Variants in SOBP observed in about 807,000 individuals in gnomAD.
SOBP encodes sine oculis binding protein homolog.
Under a neutral mutation model 53.6 loss-of-function variants are expected in SOBP, and 4 were observed. The observed-to-expected ratio is 0.07, with a 90% CI of 0.04 to 0.17. The LOEUF (loss-of-function observed/expected upper bound fraction) is 0.17. SOBP is among the 10% of genes least tolerant of loss of function. The pLI, the probability that SOBP is intolerant of heterozygous loss-of-function variation, is 1.00. For missense variants in SOBP, 1,088 were observed against 1,204.7 expected, an observed-to-expected ratio of 0.90 and a Z score of 1.43; for synonymous variants, 584 against 522.6, an observed-to-expected ratio of 1.12 and a Z score of -1.60.
intron 6 of SOBP, among the ~76,000 whole-genome samples, chr6:107,656,321 AAGAAAGAAAGAAAGAAAGAAAG>A (rs1377958606): frequency 1.1e-3 from 35 of 30,790 alleles, no homozygotes; most frequent in East Asian, 2.2e-3. Flanking sequence ...GAAAGAAAGA[AAGAAAGAAAGAAAGAAAGAAAG>A]AGAAAGAAAG....
chr6:107,568,698 C>T (rs1784986476), intron 4 of SOBP, among the ~76,000 whole-genome samples: 1 of 152,208 alleles, frequency 6.6e-6, no homozygotes, highest in Admixed American at 6.5e-5. Context: ...ACCTTCTGCC[C>T]TTTTCCTCAG....
At chr6:107,549,946 G>A (rs772843042) in intron 4 of SOBP, among the ~76,000 whole-genome samples, 7 of 152,182 alleles carry the variant, frequency 4.6e-5, no homozygotes, top group Non-Finnish European at 1.0e-4. Context: ...AGCTGTGCAT[G>A]GGAGGAGACA....
intron 5 of SOBP, among the ~76,000 whole-genome samples, chr6:107,597,031 C>T (rs11758691): frequency 0.072 from 10,978 of 152,128 alleles, 593 homozygotes; most frequent in Middle Eastern, 0.14. Flanking sequence ...AGTTTGGTTT[C>T]CTTTGAATGG....
intron 5 of SOBP, among the ~76,000 whole-genome samples, chr6:107,616,566 TTG>T (rs1247557590): frequency 6.6e-6 from 1 of 152,192 alleles, no homozygotes; most frequent in Admixed American, 6.5e-5. Flanking sequence ...TTACATCTTT[TTG>T]TATTAAGTTA....
intron 1 of SOBP, among the ~76,000 whole-genome samples, chr6:107,495,188 C>T (rs576965957): frequency 2.1e-4 from 32 of 152,288 alleles, no homozygotes; most frequent in South Asian, 6.2e-4. Flanking sequence ...AGGTGTGCCA[C>T]GTGGCAGGGA....
chr6:107,571,677 A>C (rs1785077191), intron 4 of SOBP, among the ~76,000 whole-genome samples: 1 of 152,150 alleles, frequency 6.6e-6, no homozygotes, highest in Non-Finnish European at 1.5e-5. Context: ...CCTCGTTTCT[A>C]CCGGGGTCTC....
chr6:107,636,684 G>A (rs1771059742), intron 6 of SOBP, among the ~76,000 whole-genome samples: 1 of 152,212 alleles, frequency 6.6e-6, no homozygotes, highest in Admixed American at 6.5e-5. Flanking sequence ...GGACTAGGGA[G>A]ATACAAAGGT....
chr6:107,523,998 T>C (rs904078664), intron 3 of SOBP, among the ~76,000 whole-genome samples: 1 of 152,180 alleles, frequency 6.6e-6, no homozygotes, highest in Non-Finnish European at 1.5e-5. Flanking sequence ...TCTGGGGAGA[T>C]TGTCAACCAC....
chr6:107,497,877 T>A (rs1352212264), intron 1 of SOBP, among the ~76,000 whole-genome samples: 2 of 152,196 alleles, frequency 1.3e-5, no homozygotes, highest in Non-Finnish European at 2.9e-5. Flanking sequence ...GTAAAATTGC[T>A]AAGTCAAAGG....
intron 4 of SOBP, among the ~76,000 whole-genome samples, chr6:107,584,794 A>AT (rs5878923): frequency 0.51 from 75,655 of 149,636 alleles, 20,535 homozygotes; most frequent in East Asian, 0.85. Flanking sequence ...AGATAATGGG[A>AT]TTTTTTTTTT....
intron 3 of SOBP, among the ~76,000 whole-genome samples, chr6:107,519,545 C>T (rs1448538484): frequency 6.6e-6 from 1 of 152,144 alleles, no homozygotes; most frequent in Non-Finnish European, 1.5e-5. Flanking sequence ...TCGCTTCCTG[C>T]TCTGGGACTT....
At chr6:107,532,601 A>C (rs575949573) in intron 3 of SOBP, among the ~76,000 whole-genome samples, 4 of 152,318 alleles carry the variant, frequency 2.6e-5, no homozygotes, top group African/African-American at 7.2e-5. Flanking sequence ...TTCTCATACA[A>C]AGGAAAAGAA....
At chr6:107,589,655 T>C (rs1254251716) in intron 5 of SOBP, among the ~76,000 whole-genome samples, 1 of 152,242 alleles carries the variant, frequency 6.6e-6, no homozygotes, top group Non-Finnish European at 1.5e-5. Flanking sequence ...TGACTAGATA[T>C]TTAGCTTTGT....
rs903304955 is a variant in SOBP, at chr6:107,490,642, G to A, written c.26G>A (p.Arg9Lys). The part of the protein sequence containing the change: MAEMEKEG[R>K]PPENKRSRKP... ...ATGGCAGAAATGGAGAAAGAAGGGA[G>A]ACCTCCCGAAAATAAACGGAGCAGG... The change falls in exon 1 of 7, where the codon AGA (arginine) becomes AAA (lysine). Residue 9 changes from arginine to lysine, a missense_variant. This residue lies in a region of SOBP where 37 missense variants were observed against 37.8 expected (regional missense o/e 0.98). Coordinates refer to ENST00000317357, the MANE Select transcript of SOBP (RefSeq NM_018013.4). The A allele has an allele frequency of 6.2e-7, 1 of 1,607,404 alleles. No homozygotes were observed. Among genetic ancestry groups the A allele is most frequent in the African/African-American group, 1.3e-5 (1 of 74,766 alleles).
intron 3 of SOBP, among the ~76,000 whole-genome samples, chr6:107,524,024 G>A (rs562676942): frequency 2.6e-5 from 4 of 152,354 alleles, no homozygotes; most frequent in Admixed American, 2.0e-4. Context: ...GACCCATTAA[G>A]TGTAAATATT....
intron 5 of SOBP, among the ~76,000 whole-genome samples, chr6:107,600,724 T>G (rs1183580099): frequency 6.6e-6 from 1 of 152,176 alleles, no homozygotes; most frequent in Non-Finnish European, 1.5e-5. Flanking sequence ...GGCCAAGATA[T>G]TAGTTTCCAT....
chr6:107,493,436 GAA>G (rs967949915), intron 1 of SOBP, among the ~76,000 whole-genome samples: 2 of 152,220 alleles, frequency 1.3e-5, no homozygotes, highest in African/African-American at 4.8e-5. Flanking sequence ...AAGGGGGAAA[GAA>G]GAGAGAGCAA....
In SOBP at chr6:107,593,514, G is replaced by C. The variant is rs573465259; in HGVS notation, c.669+6339G>C. 7.2e-4 allele frequency among the ~76,000 whole-genome samples: 109 copies of C among 152,344 alleles called. 1 individual carries two copies. Among genetic ancestry groups the C allele is most frequent in the African/African-American group, 2.6e-3 (107 of 41,584 alleles). On this transcript the variant is annotated intron_variant, in intron 5 of 6. Coordinates refer to ENST00000317357, the MANE Select transcript of SOBP (RefSeq NM_018013.4). ...TCTCCAAGGGAGGCACTGTGGTCTG[G>C]TGGATAAGAGTGGGAGTCCCAATCC...
In SOBP at chr6:107,506,439, C is replaced by A; in HGVS notation, c.421+12C>A. 6.2e-7 allele frequency: 1 copy of A among 1,613,592 alleles called. No individual in the cohort carries two copies. Among genetic ancestry groups the A allele is most frequent in the Non-Finnish European group, 8.5e-7 (1 of 1,179,546 alleles). On this transcript the variant is annotated intron_variant, in intron 3 of 6. Transcript: ENST00000317357. The stretch of plus-strand genomic sequence containing the variant: ...AAAGCCACCAGCAGGTAAGTCACTA[C>A]TGGTGTTTTCAGTGATAACAATTCA...
Sources: gnomAD v4.1 joint callset for allele counts (sites outside exome capture counted in the v4.1 genomes callset) on GRCh38, gnomAD v4.1.1 for gene constraint, gnomAD v4.1.1 regional missense constraint, MANE v1.5 for transcripts, NCBI Gene and HGNC (gene_info 2026-07-23, HGNC 2026-07-21) for gene names.